SLC5A8: variants seen among roughly 807,000 people sequenced by gnomAD.
SLC5A8 encodes sodium-coupled monocarboxylate transporter 1.
A neutral mutation model predicts 71.9 loss-of-function variants in SLC5A8; 55 were observed. The observed-to-expected ratio is 0.77, with a 90% CI of 0.62 to 0.96. The LOEUF (loss-of-function observed/expected upper bound fraction) is 0.96, where lower values mean the gene tolerates loss of function less well. Among genes scored for constraint, SLC5A8 ranks in the 40% least tolerant of loss-of-function variants. The pLI is 0.00. For synonymous variants in SLC5A8, 307 were observed against 276.1 expected (o/e 1.11, Z -1.11); for missense variants, 701 against 745.3 (o/e 0.94, Z 0.69).
At chr12:101,161,100 C>T (rs545027635) in intron 13 of SLC5A8, among the ~76,000 whole-genome samples, 1 of 152,272 alleles carries the variant, frequency 6.6e-6, no homozygotes, top group South Asian at 2.1e-4. Context: ...GAAAAAAATT[C>T]AGACATCCTC....
chr12:101,179,901 A>G lies in SLC5A8; in HGVS notation c.1233+128T>C, dbSNP rs1252794231. The G allele has an allele frequency of 6.6e-6, 6 of 904,638 alleles. No homozygotes were observed. In the East Asian group the frequency reaches 1.4e-4, roughly 22 times the overall value. The allele number at this position is 904,638 out of a possible 1,614,324, so 56.0% of individuals were successfully genotyped here. On this transcript the variant is annotated intron_variant, in intron 10 of 14. Transcript: ENST00000536262. ...TTAATTAAAAAAAATTAAAAAGTGT[A>G]GTCATCCCTGCCACTTGATATGTCC...
intron 10 of SLC5A8, among the ~76,000 whole-genome samples, chr12:101,175,604 AAAAACAAAAC>A (rs749179343): frequency 1.3e-5 from 2 of 152,052 alleles, no homozygotes; most frequent in African/African-American, 4.8e-5. Flanking sequence ...AAACTAAAGA[AAAAACAAAAC>A]AAAACAAAAC....
intron 1 of SLC5A8, among the ~76,000 whole-genome samples, chr12:101,205,414 G>C (rs1869637136): frequency 6.6e-6 from 1 of 152,068 alleles, no homozygotes; most frequent in Admixed American, 6.5e-5. Flanking sequence ...TAGTCTGCTT[G>C]TCTACTATGT....
At chr12:101,193,156 A>G (rs1225084520) in intron 5 of SLC5A8, among the ~76,000 whole-genome samples, 2 of 152,000 alleles carry the variant, frequency 1.3e-5, no homozygotes, top group Non-Finnish European at 2.9e-5. Context: ...TATTTTTAGT[A>G]GAGATGGGGT....
intron 3 of SLC5A8, among the ~76,000 whole-genome samples, chr12:101,201,859 C>T (rs780761934): frequency 3.9e-5 from 6 of 152,106 alleles, no homozygotes; most frequent in African/African-American, 9.7e-5. Flanking sequence ...GAGGGGATGC[C>T]GTCAATCCTG....
At chr12:101,158,399 A>T in intron 13 of SLC5A8, 71 bp from the exon 14 acceptor site, 1 of 957,470 alleles carries the variant, frequency 1.0e-6, no homozygotes, top group Non-Finnish European at 1.6e-6. Context: ...ACATTCCATT[A>T]TACAGGCATT....
At chr12:101,193,170 G>A (rs923681787) in intron 5 of SLC5A8, among the ~76,000 whole-genome samples, 7 of 151,778 alleles carry the variant, frequency 4.6e-5, no homozygotes, top group East Asian at 3.9e-4. Flanking sequence ...ATGGGGTTTC[G>A]CCATGTTGGC....
intron 5 of SLC5A8, 136 bp from the exon 6 acceptor site, chr12:101,190,744 T>A: frequency 1.6e-6 from 1 of 631,304 alleles, no homozygotes; most frequent in Non-Finnish European, 2.3e-6. Context: ...ATTTATTAAT[T>A]AATTTAAAAG....
At chr12:101,162,671 T>C (rs2051734956) in intron 12 of SLC5A8, among the ~76,000 whole-genome samples, 2 of 152,148 alleles carry the variant, frequency 1.3e-5, no homozygotes, top group Admixed American at 1.3e-4. Flanking sequence ...ATGTTCTCAC[T>C]TATAAGTAGG....
Position 101,157,274 on chromosome 12 carries a change from C to A in SLC5A8, c.*5G>T, listed in dbSNP as rs1411971255. On this transcript the variant is annotated 3_prime_UTR_variant, in exon 15 of 15. Coordinates refer to ENST00000536262, the MANE Select transcript of SLC5A8 (RefSeq NM_145913.5). ...CATTTAAGGATATCTAGTATCAGAG[C>A]AGCTTCACAAACGAGTCCCATTGCT... 2 of 1,611,008 alleles carry A rather than the reference C, an allele frequency of 1.2e-6. No homozygotes were observed. Among genetic ancestry groups the A allele is most frequent in the Non-Finnish European group, 1.7e-6 (2 of 1,178,818 alleles).
intron 13 of SLC5A8, among the ~76,000 whole-genome samples, chr12:101,158,584 CTCTCTCTCTCTCTCTATATATATATA>C (rs1429816669): frequency 1.3e-3 from 60 of 46,820 alleles, no homozygotes; most frequent in African/African-American, 4.8e-3. Context: ...CTCTCTCTCT[CTCTCTCTCTCTCTCTATATATATATA>C]TATATATATA....
intron 12 of SLC5A8, among the ~76,000 whole-genome samples, chr12:101,165,038 G>T (rs986685463): frequency 1.3e-4 from 20 of 152,036 alleles, no homozygotes; most frequent in Admixed American, 7.2e-4. Flanking sequence ...TGAGTTTATT[G>T]TTTTGCGTAT....
At chr12:101,162,702 T>C (rs1005936515) in intron 12 of SLC5A8, among the ~76,000 whole-genome samples, 4 of 152,212 alleles carry the variant, frequency 2.6e-5, no homozygotes, top group Admixed American at 2.6e-4. Flanking sequence ...TGGTTACTTA[T>C]GGACACAAAG....
chr12:101,199,720 T>C (rs1382955675), intron 3 of SLC5A8, among the ~76,000 whole-genome samples: 1 of 151,904 alleles, frequency 6.6e-6, no homozygotes, highest in African/African-American at 2.4e-5. Flanking sequence ...GAAAACGATA[T>C]AGCCACTTGG....
At chr12:101,193,535 T>C in intron 5 of SLC5A8, 90 bp downstream of exon 5, 12 of 1,448,064 alleles carry the variant, frequency 8.3e-6, no homozygotes, top group South Asian at 1.4e-5. Context: ...TGTTGGCTTG[T>C]TTTTTAATGT....
intron 10 of SLC5A8, among the ~76,000 whole-genome samples, chr12:101,176,050 A>G (rs994492462): frequency 6.6e-6 from 1 of 152,080 alleles, no homozygotes; most frequent in African/African-American, 2.4e-5. Flanking sequence ...GAAAAGACAG[A>G]GATTGACAGG....
intron 1 of SLC5A8, among the ~76,000 whole-genome samples, chr12:101,206,851 A>G (rs1028869889): frequency 2.6e-5 from 4 of 152,214 alleles, no homozygotes; most frequent in Non-Finnish European, 5.9e-5. Context: ...TTCCTGCATT[A>G]TACTTGGGTC....
intron 11 of SLC5A8, 69 bp from the exon 12 acceptor site, chr12:101,166,768 A>G: frequency 7.1e-7 from 1 of 1,410,524 alleles, no homozygotes; most frequent in East Asian, 2.5e-5. Context: ...TAATATTAGA[A>G]AGCCAAGTTC....
chr12:101,197,712 TAGC>T (rs1869247492), intron 3 of SLC5A8, among the ~76,000 whole-genome samples: 1 of 152,002 alleles, frequency 6.6e-6, no homozygotes, highest in Non-Finnish European at 1.5e-5. Context: ...GACAGAGAAA[TAGC>T]AGCAATAGAA....
Sources: allele counts gnomAD v4.1 joint callset (sites outside exome capture counted in the v4.1 genomes callset), GRCh38; gene constraint gnomAD v4.1.1; transcripts MANE v1.5; gene names NCBI Gene and HGNC (gene_info 2026-07-23, HGNC 2026-07-21).